Variants in CACNB2 observed in about 807,000 individuals in gnomAD.
The protein encoded by CACNB2 is voltage-dependent L-type calcium channel subunit beta-2.
A neutral mutation model predicts 73.3 loss-of-function variants in CACNB2; 42 were observed. The ratio of observed to expected loss-of-function variants is 0.57; its 90% CI spans 0.45 to 0.74. The LOEUF (loss-of-function observed/expected upper bound fraction) is 0.74. CACNB2 is among the 30% of genes least tolerant of loss of function. The pLI, the probability that CACNB2 is intolerant of heterozygous loss-of-function variation, is 0.00. For synonymous variants in CACNB2, 348 were observed against 310.3 expected (o/e 1.12, Z -1.28); for missense variants, 940 against 853.0 (o/e 1.10, Z -1.27).
chr10:18,507,453 T>A (rs910592798), intron 6 of CACNB2, among the ~76,000 whole-genome samples: 1 of 152,142 alleles, frequency 6.6e-6, no homozygotes, highest in Non-Finnish European at 1.5e-5. Flanking sequence ...AAACAATAAT[T>A]TACTAGTTTA....
rs1564583440 is a variant in CACNB2 at position 18,468,138 on chromosome 10, A to ACC, written c.334-30216_334-30215dup. On this transcript the variant is annotated intron_variant, in intron 3 of 13. Transcript: ENST00000324631. ...GCCTGTAGAACTGGGGTGCTCAAAC[A>ACC]CCAATTTTTCTCAGGATTACTGAAA... Among the ~76,000 whole-genome samples, 324 of 152,214 alleles carry ACC rather than the reference A, an allele frequency of 2.1e-3. 1 individual carries two copies. The highest frequency in any genetic ancestry group is 7.5e-3 in the African/African-American group (313 of 41,530).
At chr10:18,216,354 A>T (rs970930816) in intron 2 of CACNB2, among the ~76,000 whole-genome samples, 2 of 152,140 alleles carry the variant, frequency 1.3e-5, no homozygotes, top group African/African-American at 4.8e-5. Context: ...CTTCTCTGAG[A>T]TTCTTGAGTA....
intron 2 of CACNB2, among the ~76,000 whole-genome samples, chr10:18,342,695 A>G (rs1416940458): frequency 6.6e-6 from 1 of 152,190 alleles, no homozygotes; most frequent in Admixed American, 6.5e-5. Context: ...AAAGTTTAAA[A>G]CAACTCTTTT....
intron 2 of CACNB2, among the ~76,000 whole-genome samples, chr10:18,350,810 G>A (rs1325838660): frequency 6.6e-6 from 1 of 152,178 alleles, no homozygotes; most frequent in Non-Finnish European, 1.5e-5. Flanking sequence ...GTTTTTTAGT[G>A]GTGGTGGTTG....
At chr10:18,506,240 C>T (rs932601125) in intron 5 of CACNB2, among the ~76,000 whole-genome samples, 1 of 152,166 alleles carries the variant, frequency 6.6e-6, no homozygotes, top group Non-Finnish European at 1.5e-5. Context: ...GGTTCTCTTC[C>T]ATTCTCTCAG....
At chr10:18,538,108 C>T in intron 12 of CACNB2, 72 bp from the exon 13 acceptor site, 2 of 1,431,306 alleles carry the variant, frequency 1.4e-6, no homozygotes, top group Non-Finnish European at 2.0e-6. Context: ...GCCCCTTCCT[C>T]CTCTTATGGA....
chr10:18,244,277 A>G (rs1449497949), intron 2 of CACNB2, among the ~76,000 whole-genome samples: 2 of 152,236 alleles, frequency 1.3e-5, no homozygotes, highest in Admixed American at 6.5e-5. Flanking sequence ...CTTTGCTGAG[A>G]TTCATATAGA....
chr10:18,388,219 A>G (rs2043315542), intron 2 of CACNB2, among the ~76,000 whole-genome samples: 1 of 152,214 alleles, frequency 6.6e-6, no homozygotes, highest in Non-Finnish European at 1.5e-5. Flanking sequence ...CATTTGCAAG[A>G]CAAGAAATAG....
intron 2 of CACNB2, among the ~76,000 whole-genome samples, chr10:18,176,011 G>A (rs1251363002): frequency 2.0e-5 from 3 of 152,206 alleles, no homozygotes; most frequent in East Asian, 1.9e-4. Context: ...GTACTTGTTC[G>A]TGTGTGAAAG....
chr10:18,165,677 C>T (rs2032803424), intron 2 of CACNB2, among the ~76,000 whole-genome samples: 1 of 152,074 alleles, frequency 6.6e-6, no homozygotes, highest in African/African-American at 2.4e-5. Flanking sequence ...CACTATTATG[C>T]CAGGGAAGTT....
rs113381683 is a variant in CACNB2 at position 18,497,128 on chromosome 10, A to G, written c.334-1227A>G. Among the ~76,000 whole-genome samples the G allele has an allele frequency of 4.9e-3, 743 of 150,514 alleles. 9 individuals are homozygous for G. Among genetic ancestry groups the G allele is most frequent in the African/African-American group, 0.018 (721 of 41,044 alleles). ...TCGGGAGGCTGAAGCAGGAGAATCA[A>G]TTGAACTCCAGAGGAGGAGGTTGCA... On this transcript the variant is annotated intron_variant, in intron 3 of 13. Transcript: ENST00000324631.
chr10:18,497,832 G>A (rs2049929233), intron 3 of CACNB2, among the ~76,000 whole-genome samples: 1 of 152,160 alleles, frequency 6.6e-6, no homozygotes, highest in South Asian at 2.1e-4. Context: ...AAAAGTCATT[G>A]CTTTCATAAT....
In CACNB2 at chr10:18,441,274, G is replaced by A. The variant is rs571455965; in HGVS notation, c.333+39231G>A. Among the ~76,000 whole-genome samples, 577 of 152,182 alleles carry A rather than the reference G, an allele frequency of 3.8e-3. 4 individuals carry two copies. Among genetic ancestry groups the A allele is most frequent in the Non-Finnish European group, 6.0e-3 (411 of 67,998 alleles). ...GAAAAAATTAGCTGGGTGTGGTGGCGCATGCCTGTAATCCCAGCTACTCAG... is the reference window on the plus strand; with the variant it reads ...GAAAAAATTAGCTGGGTGTGGTGGCACATGCCTGTAATCCCAGCTACTCAG... On this transcript the variant is annotated intron_variant, in intron 3 of 13. Transcript: ENST00000324631.
chr10:18,511,080 G>C (rs1458600246), intron 6 of CACNB2, among the ~76,000 whole-genome samples: 1 of 152,120 alleles, frequency 6.6e-6, no homozygotes, highest in African/African-American at 2.4e-5. Flanking sequence ...GTCAGCACTG[G>C]ATAAAGCCCT....
chr10:18,150,559 A>T (rs2031424324), intron 1 of CACNB2, among the ~76,000 whole-genome samples: 1 of 152,196 alleles, frequency 6.6e-6, no homozygotes, highest in Admixed American at 6.5e-5. Context: ...GCTATGCGGG[A>T]GGCTGAGGCA....
chr10:18,188,928 A>G (rs902897351), intron 2 of CACNB2, among the ~76,000 whole-genome samples: 1 of 152,134 alleles, frequency 6.6e-6, no homozygotes, highest in Non-Finnish European at 1.5e-5. Context: ...CTGAGAAGGG[A>G]TAAGAACCGC....
At position 18,384,161 on chromosome 10, in the gene CACNB2, C is replaced by T. The variant is rs566904565; in HGVS notation, c.214-17763C>T. On this transcript the variant is annotated intron_variant, in intron 2 of 13. Transcript: ENST00000324631. The stretch of plus-strand genomic sequence containing the variant: ...CCTGTAGTCACTGGTAGAGTCAGTA[C>T]TGAGACTCCCGAAGATCAATAGGAC... Among the ~76,000 whole-genome samples the T allele has an allele frequency of 5.3e-5, 8 of 152,274 alleles. No individual in the cohort carries two copies. In the South Asian group the frequency reaches 1.2e-3, roughly 24 times the overall value.
At chr10:18,258,346 A>C (rs1276716051) in intron 2 of CACNB2, among the ~76,000 whole-genome samples, 1 of 152,204 alleles carries the variant, frequency 6.6e-6, no homozygotes, top group Non-Finnish European at 1.5e-5. Context: ...CAGTGTTTTC[A>C]TCTTATTCTA....
chr10:18,235,101 C>G (rs549831216), intron 2 of CACNB2, among the ~76,000 whole-genome samples: 69 of 150,680 alleles, frequency 4.6e-4, no homozygotes, highest in African/African-American at 1.6e-3. Flanking sequence ...CGGGATCACG[C>G]CACTGCACTC....
Sources: allele counts gnomAD v4.1 joint callset (sites outside exome capture counted in the v4.1 genomes callset), GRCh38; gene constraint gnomAD v4.1.1; transcripts MANE v1.5; gene names NCBI Gene and HGNC (gene_info 2026-07-23, HGNC 2026-07-21).